Variants in RNF213 observed in about 807,000 individuals in gnomAD.
RNF213 encodes the protein E3 ubiquitin-protein ligase RNF213.
Under a neutral mutation model 514.4 loss-of-function variants are expected in RNF213, and 341 were observed. The observed-to-expected ratio is 0.66, with a 90% CI of 0.61 to 0.73. The LOEUF (loss-of-function observed/expected upper bound fraction) is 0.73, where lower values mean the gene tolerates loss of function less well. RNF213 is among the 30% of genes least tolerant of loss of function. The pLI, the probability that RNF213 is intolerant of heterozygous loss-of-function variation, is 0.00. For synonymous variants in RNF213, 2,655 were observed against 2,658.2 expected (o/e 1.00, Z 0.04); for missense variants, 5,767 against 6,615.6 (o/e 0.87, Z 4.45).
At chr17:80,289,613 A>T in intron 5 of RNF213, 46 bp from the exon 6 acceptor site, 1 of 1,592,210 alleles carries the variant, frequency 6.3e-7, no homozygotes, top group Non-Finnish European at 8.6e-7. Flanking sequence ...AAAAAAGAAA[A>T]TGTGGAGGCC....
intron 3 of RNF213, among the ~76,000 whole-genome samples, chr17:80,276,497 A>G (rs988466262): frequency 6.6e-6 from 1 of 152,230 alleles, no homozygotes. Flanking sequence ...TGTGAAAAGA[A>G]TGAAGACATT....
At chr17:80,340,674 A>G (rs1362024679) in intron 26 of RNF213, 5 of 280,614 alleles carry the variant, frequency 1.8e-5, no homozygotes, top group Non-Finnish European at 1.9e-5. Flanking sequence ...AGGCTGGAGT[A>G]CAGTGGCGTG....
chr17:80,383,694 T>C lies in RNF213; in HGVS notation c.14088T>C (p.Leu4696=). ...SPELEHLDKT[L]PTMNNLISQD... is the part of the protein sequence containing the mutation. ...CCATCCAGCATCTAGATAAAACCCT[T>C]CCCACCATGAATAATCTCATCAGCC... The change falls in exon 59 of 68, where the codon CTT becomes CTC. Residue 4696 remains leucine, a synonymous_variant. Transcript: ENST00000582970. 6.2e-7 allele frequency: 1 copy of C among 1,613,974 alleles called. No individual in the cohort carries two copies. The highest frequency in any genetic ancestry group is 1.1e-5 in the South Asian group (1 of 91,062).
At chr17:80,379,042 GGTGCATGCGTGCATGC>G (rs111829552) in intron 54 of RNF213, among the ~76,000 whole-genome samples, 3,679 of 152,008 alleles carry the variant, frequency 0.024, 154 homozygotes, top group African/African-American at 0.084. Context: ...AGGGCATGGT[GGTGCATGCGTGCATGC>G]GTGCATGCGT....
chr17:80,368,285 T>TGG, intron 44 of RNF213, 142 bp downstream of exon 44: 2 of 851,710 alleles, frequency 2.3e-6, no homozygotes, highest in Non-Finnish European at 3.9e-6. Context: ...AGACGCCACT[T>TGG]ACGTACTTTC....
chr17:80,397,333 G>A lies in RNF213; in HGVS notation c.*3835G>A. 1 of 152,084 alleles carries A rather than the reference G, an allele frequency of 6.6e-6. No individual in the cohort carries two copies. Among genetic ancestry groups the A allele is most frequent in the East Asian group, 1.9e-4 (1 of 5,182 alleles). 9.4% of individuals were successfully genotyped at this position (152,084 alleles called of 1,614,324 possible). A position where few individuals can be genotyped will look rare whatever the true frequency, so the allele number is the denominator to read the frequency against. On this transcript the variant is annotated 3_prime_UTR_variant, in exon 68 of 68. Coordinates refer to ENST00000582970, the MANE Select transcript of RNF213 (RefSeq NM_001256071.3). Reference sequence around the variant, plus strand: ...GAAATATCTGTCAGTGCTCTTAAGGGAGGAGACCACCCCACATATTGTCTT... The same window carrying A: ...GAAATATCTGTCAGTGCTCTTAAGGAAGGAGACCACCCCACATATTGTCTT...
intron 17 of RNF213, chr17:80,319,527 C>T (rs768572081): frequency 2.3e-5 from 37 of 1,612,842 alleles, no homozygotes; most frequent in African/African-American, 9.3e-5. Flanking sequence ...GCTGCTCGCA[C>T]CATCCTGCAT....
rs754048793 is a variant in RNF213 at position 80,380,953 on chromosome 17, T to C, written c.13763T>C (p.Leu4588Ser). Residue 4588 changes from leucine (L) to serine (S), a missense_variant, in exon 56 of 68, where the codon TTG becomes TCG. Leu to Ser is a moderately radical substitution (Grantham distance 145, BLOSUM62 -2). Coordinates refer to ENST00000582970, the MANE Select transcript of RNF213 (RefSeq NM_001256071.3). Reference sequence around the variant, plus strand: ...CTCCTTATCCGGCTACTCACTCACTTGGCTCTGCTTCTGGGAGCGTCCCAG... The same window carrying C: ...CTCCTTATCCGGCTACTCACTCACTCGGCTCTGCTTCTGGGAGCGTCCCAG... The part of the protein sequence containing the change: ...VFLLIRLLTH[L>S]ALLLGASQSS... 4.3e-6 allele frequency: 7 copies of C among 1,614,206 alleles called. No individual in the cohort carries two copies. The East Asian group carries it at 6.7e-5, about 15-fold the overall frequency.
intron 39 of RNF213, among the ~76,000 whole-genome samples, chr17:80,362,362 A>G (rs910545872): frequency 2.6e-5 from 4 of 152,250 alleles, no homozygotes; most frequent in Non-Finnish European, 4.4e-5. Context: ...TTAGGAATCA[A>G]TAAGAAAATA....
At chr17:80,314,235 A>G (rs1259545154) in intron 15 of RNF213, among the ~76,000 whole-genome samples, 13 of 77,812 alleles carry the variant, frequency 1.7e-4, no homozygotes, top group East Asian at 4.8e-4. Flanking sequence ...GGTGAAGGTG[A>G]TGGTGGAGGT....
Position 80,393,837 on chromosome 17 carries a change from G to A in RNF213, c.*339G>A, listed in dbSNP as rs915728990. On this transcript the variant is annotated 3_prime_UTR_variant, in exon 68 of 68. Coordinates refer to ENST00000582970, the MANE Select transcript of RNF213 (RefSeq NM_001256071.3). ...TCAGCCACACACGCAGTAATGACCT[G>A]TGCCCGTTCGCCTCTGGCACTGCCC... 8 of 289,374 alleles carry A rather than the reference G, an allele frequency of 2.8e-5. No individual in the cohort carries two copies. Among genetic ancestry groups the A allele is most frequent in the Admixed American group, 2.4e-4 (5 of 20,962 alleles). 17.9% of individuals were successfully genotyped at this position (289,374 alleles called of 1,614,324 possible).
intron 52 of RNF213, 30 bp from the exon 53 acceptor site, chr17:80,376,852 T>C: frequency 6.3e-7 from 1 of 1,591,508 alleles, no homozygotes; most frequent in Non-Finnish European, 8.6e-7. Context: ...CTCACTTATC[T>C]AGAGCTGTCT....
intron 26 of RNF213, chr17:80,340,619 T>G (rs1277877531): frequency 2.5e-6 from 1 of 406,970 alleles, no homozygotes; most frequent in South Asian, 2.8e-5. Flanking sequence ...GTTTTTTTTT[T>G]TTTTTTTTTT....
chr17:80,320,723 A>T (rs993806783), intron 17 of RNF213: 1 of 152,136 alleles, frequency 6.6e-6, no homozygotes, highest in African/African-American at 2.4e-5. Context: ...CTCAGGCTGG[A>T]CACGGTTGCT....
At chr17:80,293,115 T>C (rs1261861439) in intron 8 of RNF213, among the ~76,000 whole-genome samples, 2 of 152,128 alleles carry the variant, frequency 1.3e-5, no homozygotes, top group African/African-American at 4.8e-5. Context: ...TGGAGTGCAG[T>C]GGCACGATCT....
intron 55 of RNF213, among the ~76,000 whole-genome samples, chr17:80,380,203 C>A (rs2079930966): frequency 1.3e-5 from 2 of 152,208 alleles, no homozygotes; most frequent in African/African-American, 4.8e-5. Context: ...AGGTACAAAT[C>A]CGATCCCACA....
At chr17:80,357,194 C>T (rs961559088) in intron 36 of RNF213, among the ~76,000 whole-genome samples, 5 of 152,278 alleles carry the variant, frequency 3.3e-5, no homozygotes, top group Middle Eastern at 3.4e-3. Context: ...TGGGATTAGA[C>T]GTGAGCCACC....
chr17:80,345,037 C>T lies in RNF213; in HGVS notation c.6702C>T (p.Phe2234=). The change falls in exon 29 of 68, where the codon TTC becomes TTT. Residue 2234 remains phenylalanine, a synonymous_variant. Coordinates refer to ENST00000582970, the MANE Select transcript of RNF213 (RefSeq NM_001256071.3). The surrounding 1 kb of genome is among the most constrained non-coding windows in gnomAD (Gnocchi z 6.0). ...TCAGAGATTGTGAGGCCTCTCTCTT[C>T]TGCAATCCGAGTTTTATTGGCGACA... The part of the protein sequence containing the change: ...YQLRDCEASL[F]CNPSFIGDTL... 1.9e-6 allele frequency: 3 copies of T among 1,614,102 alleles called. No individual in the cohort carries two copies. The highest frequency in any genetic ancestry group is 2.5e-6 in the Non-Finnish European group (3 of 1,180,018).
In RNF213 at chr17:80,377,743, T is replaced by C; in HGVS notation, c.13511-19T>C. 1 of 1,614,140 alleles carries C rather than the reference T, an allele frequency of 6.2e-7. No individual in the cohort carries two copies. The highest frequency in any genetic ancestry group is 8.5e-7 in the Non-Finnish European group (1 of 1,179,974). On this transcript the variant is annotated intron_variant, in intron 53 of 67. Transcript: ENST00000582970. This position sits in a 1 kb window ranked among gnomAD's most constrained non-coding sequence, Gnocchi z 4.1. ...GGGTGAAACCTCATTAGCCAATGTGTGTCCTGTTCTCTTCACAGCTTGTCC... is the reference window on the plus strand; with the variant it reads ...GGGTGAAACCTCATTAGCCAATGTGCGTCCTGTTCTCTTCACAGCTTGTCC...
Sources: gnomAD v4.1 joint callset for allele counts (sites outside exome capture counted in the v4.1 genomes callset) on GRCh38, gnomAD v4.1.1 for gene constraint, Gnocchi (gnomAD v3.1) non-coding constraint, MANE v1.5 for transcripts, NCBI Gene and HGNC (gene_info 2026-07-23, HGNC 2026-07-21) for gene names.